Variants in CTNNA3 observed in about 807,000 individuals in gnomAD.
CTNNA3 encodes catenin alpha-3.
Under a neutral mutation model 95.7 loss-of-function variants are expected in CTNNA3, and 76 were observed. The observed-to-expected ratio is 0.79, with a 90% CI of 0.66 to 0.96. The LOEUF (loss-of-function observed/expected upper bound fraction) is 0.96. CTNNA3 is among the 40% of genes least tolerant of loss of function. CTNNA3 has a pLI of 0.00. For missense variants in CTNNA3, 1,191 were observed against 1,089.8 expected (o/e 1.09, Z -1.31); for synonymous variants, 431 against 374.4 (o/e 1.15, Z -1.74).
intron 13 of CTNNA3, among the ~76,000 whole-genome samples, chr10:66,112,284 T>C (rs1042445728): frequency 4.6e-5 from 7 of 152,148 alleles, no homozygotes; most frequent in African/African-American, 1.7e-4. Flanking sequence ...AAATACATAT[T>C]TTATTGAGTT....
At chr10:66,212,619 G>C (rs1359268741) in intron 13 of CTNNA3, among the ~76,000 whole-genome samples, 1 of 152,090 alleles carries the variant, frequency 6.6e-6, no homozygotes, top group Non-Finnish European at 1.5e-5. Context: ...TGTTGTAAAA[G>C]ATTTTTAATT....
At chr10:67,396,809 C>CT (rs1844724126) in intron 5 of CTNNA3, among the ~76,000 whole-genome samples, 2 of 151,310 alleles carry the variant, frequency 1.3e-5, no homozygotes, top group Non-Finnish European at 2.9e-5. Flanking sequence ...GCAGTTACCC[C>CT]ATGCTGCTGT....
intron 3 of CTNNA3, among the ~76,000 whole-genome samples, chr10:67,579,590 A>C (rs1842306333): frequency 6.6e-6 from 1 of 152,162 alleles, no homozygotes; most frequent in African/African-American, 2.4e-5. Flanking sequence ...CACTGGGTCA[A>C]ATGGTATTTC....
intron 7 of CTNNA3, among the ~76,000 whole-genome samples, chr10:66,830,658 G>A (rs968615237): frequency 1.3e-5 from 2 of 151,436 alleles, no homozygotes; most frequent in Admixed American, 6.6e-5. Flanking sequence ...TGCCCAGGCT[G>A]GAGTGCAGTG....
intron 7 of CTNNA3, chr10:66,925,812 G>A: frequency 8.9e-6 from 3 of 337,592 alleles, no homozygotes; most frequent in Non-Finnish European, 1.8e-5. Flanking sequence ...CAATAAAGAC[G>A]TTGCCAAATT....
chr10:66,175,358 GA>G lies in CTNNA3; in HGVS notation c.1885-72110del, dbSNP rs1411648299. 7.6e-4 allele frequency among the ~76,000 whole-genome samples: 115 copies of G among 152,314 alleles called. 1 individual carries two copies. Among genetic ancestry groups the G allele is most frequent in the Admixed American group, 6.3e-3 (96 of 15,286 alleles). ...ACAGACTATGAATAGAATAGGTATA[GA>G]AGTAGAATGTGCAACTTCCGTTACT... On this transcript the variant is annotated intron_variant, in intron 13 of 17. Transcript: ENST00000433211.
chr10:66,203,939 G>A (rs1028610451), intron 13 of CTNNA3, among the ~76,000 whole-genome samples: 4 of 151,834 alleles, frequency 2.6e-5, no homozygotes, highest in Admixed American at 1.3e-4. Flanking sequence ...TAGAGACCAC[G>A]TATTTCACAT....
chr10:66,077,413 T>A (rs1340376724), intron 14 of CTNNA3, among the ~76,000 whole-genome samples: 1 of 151,824 alleles, frequency 6.6e-6, no homozygotes, highest in Non-Finnish European at 1.5e-5. Context: ...TATCATTCCA[T>A]CTATAACATT....
intron 1 of CTNNA3, among the ~76,000 whole-genome samples, chr10:67,686,751 T>G (rs1840739556): frequency 6.6e-6 from 1 of 152,276 alleles, no homozygotes; most frequent in African/African-American, 2.4e-5. Context: ...ATTGTGGGGT[T>G]GTCCCATGAG....
chr10:66,822,389 A>T (rs967113980), intron 7 of CTNNA3, among the ~76,000 whole-genome samples: 22 of 152,258 alleles, frequency 1.4e-4, no homozygotes, highest in African/African-American at 4.8e-4. Flanking sequence ...ATCAATCAGG[A>T]TTGGCACAAG....
chr10:66,024,674 G>C (rs2079301471), intron 15 of CTNNA3, among the ~76,000 whole-genome samples: 2 of 152,186 alleles, frequency 1.3e-5, no homozygotes. Context: ...ACAATGGCTG[G>C]ATTAAGAAAT....
chr10:66,459,204 T>G (rs1314600412), intron 11 of CTNNA3, among the ~76,000 whole-genome samples: 1 of 152,162 alleles, frequency 6.6e-6, no homozygotes, highest in Non-Finnish European at 1.5e-5. Context: ...TTTAATAACA[T>G]TTTCTTTTCT....
chr10:66,395,008 T>A (rs981353821), intron 11 of CTNNA3, among the ~76,000 whole-genome samples: 5 of 152,034 alleles, frequency 3.3e-5, no homozygotes, highest in African/African-American at 9.7e-5. Flanking sequence ...TTACTAAGTT[T>A]TTATTTATTT....
intron 7 of CTNNA3, among the ~76,000 whole-genome samples, chr10:67,032,669 A>C (rs770305580): frequency 4.6e-5 from 7 of 152,210 alleles, no homozygotes; most frequent in Non-Finnish European, 1.0e-4. Flanking sequence ...ACATTATTCA[A>C]ATTGAATCTG....
chr10:66,885,240 A>T (rs186919223), intron 7 of CTNNA3, among the ~76,000 whole-genome samples: 1 of 152,182 alleles, frequency 6.6e-6, no homozygotes, highest in East Asian at 1.9e-4. Context: ...TTATTTGGAC[A>T]TATGATATTC....
intron 5 of CTNNA3, among the ~76,000 whole-genome samples, chr10:67,475,123 G>A (rs1344280715): frequency 6.6e-6 from 1 of 152,086 alleles, no homozygotes. Flanking sequence ...ACAAACAACT[G>A]GATGAATCCT....
intron 9 of CTNNA3, among the ~76,000 whole-genome samples, chr10:66,696,415 T>C (rs1436274186): frequency 6.6e-6 from 1 of 152,180 alleles, no homozygotes; most frequent in African/African-American, 2.4e-5. Flanking sequence ...TGGCAATATG[T>C]ATTTAAATAA....
At chr10:66,800,290 T>C (rs201298352) in intron 7 of CTNNA3, among the ~76,000 whole-genome samples, 1 of 151,504 alleles carries the variant, frequency 6.6e-6, no homozygotes, top group East Asian at 1.9e-4. Flanking sequence ...TCAAAAGAAC[T>C]CTTTTGATAA....
At chr10:67,439,324 C>T (rs978658864) in intron 5 of CTNNA3, among the ~76,000 whole-genome samples, 2 of 152,104 alleles carry the variant, frequency 1.3e-5, no homozygotes, top group Non-Finnish European at 2.9e-5. Context: ...TTAATTGGCT[C>T]ATGGTTCTGC....
Sources: gnomAD v4.1 joint callset for allele counts (sites outside exome capture counted in the v4.1 genomes callset) on GRCh38, gnomAD v4.1.1 for gene constraint, MANE v1.5 for transcripts, NCBI Gene and HGNC (gene_info 2026-07-23, HGNC 2026-07-21) for gene names.